Variants in RNF213 observed in about 807,000 individuals in gnomAD.
RNF213 encodes the protein E3 ubiquitin-protein ligase RNF213.
A neutral mutation model predicts 514.4 loss-of-function variants in RNF213; 341 were observed. The observed-to-expected ratio is 0.66, with a 90% CI of 0.61 to 0.73. The LOEUF is 0.73. Among genes scored for constraint, RNF213 ranks in the 30% least tolerant of loss-of-function variants. RNF213 has a pLI of 0.00. For synonymous variants in RNF213, 2,655 were observed against 2,658.2 expected, an observed-to-expected ratio of 1.00 and a Z score of 0.04; for missense variants, 5,767 against 6,615.6, an observed-to-expected ratio of 0.87 and a Z score of 4.45.
At chr17:80,387,386 G>C (rs1277865148) in intron 63 of RNF213, among the ~76,000 whole-genome samples, 1 of 152,190 alleles carries the variant, frequency 6.6e-6, no homozygotes, top group Admixed American at 6.5e-5. Context: ...GATTATAGGC[G>C]TGAGCCACTG....
intron 17 of RNF213, among the ~76,000 whole-genome samples, chr17:80,321,638 C>G (rs1599020397): frequency 6.6e-6 from 1 of 152,314 alleles, no homozygotes; most frequent in East Asian, 1.9e-4. Flanking sequence ...TAGGAGGCTT[C>G]CAGGTTCTCC....
In RNF213 at chr17:80,385,166, G is replaced by A; in HGVS notation, c.14450G>A (p.Ser4817Asn). Residue 4817 changes from serine (S) to asparagine (N), a missense_variant, in exon 60 of 68, where the codon AGC (serine) becomes AAC (asparagine). Around this residue, in one of 13 missense-constraint regions of RNF213, gnomAD observed 1,245 missense variants for 1,339.0 expected, o/e 0.93. Transcript: ENST00000582970. ...ATCAGAGGCTTCCTCAGCAAGCACA[G>A]CTCAGGTGTGGCTCTGCTCTGACAG... The part of the protein sequence containing the change: ...SSIRGFLSKH[S>N]SDGLRQLLHN... 1 of 1,614,154 alleles carries A rather than the reference G, an allele frequency of 6.2e-7. No homozygotes were observed.
At chr17:80,286,473 G>A (rs185553427) in intron 3 of RNF213, among the ~76,000 whole-genome samples, 6 of 152,242 alleles carry the variant, frequency 3.9e-5, no homozygotes, top group African/African-American at 9.6e-5. Flanking sequence ...GTCCAGCTGC[G>A]GCCTCGTCAT....
In RNF213 at chr17:80,389,929, C is replaced by A. The variant is rs780341759; in HGVS notation, c.15285+12C>A. ...TGCGGCTGCACAAAGTAAGTCTGGT[C>A]TCTTCCTCTCTGCTGGACAGAGGGA... On this transcript the variant is annotated intron_variant, in intron 66 of 67. Coordinates refer to ENST00000582970, the MANE Select transcript of RNF213 (RefSeq NM_001256071.3). 4.3e-6 allele frequency: 7 copies of A among 1,613,880 alleles called. No homozygotes were observed. The highest frequency in any genetic ancestry group is 1.3e-5 in the African/African-American group (1 of 74,928).
At chr17:80,390,227 A>G (rs2080409292) in intron 67 of RNF213, 31 bp downstream of exon 67, 2 of 1,606,422 alleles carry the variant, frequency 1.2e-6, no homozygotes, top group Non-Finnish European at 1.7e-6. Flanking sequence ...GGGGCGGGGC[A>G]GACACAATGT....
At chr17:80,349,440 A>G (rs2078425291) in intron 29 of RNF213, among the ~76,000 whole-genome samples, 1 of 152,124 alleles carries the variant, frequency 6.6e-6, no homozygotes, top group South Asian at 2.1e-4. Context: ...TCGTACTATA[A>G]CAGGAAATGG....
chr17:80,293,551 T>C (rs997243341), intron 8 of RNF213, among the ~76,000 whole-genome samples: 10 of 151,716 alleles, frequency 6.6e-5, no homozygotes, highest in South Asian at 2.1e-4. Context: ...TGGCTGGGCG[T>C]GGTGGCTCAC....
At chr17:80,383,540 A>C in intron 58 of RNF213, 137 bp from the exon 59 acceptor site, 1 of 842,898 alleles carries the variant, frequency 1.2e-6, no homozygotes, top group Non-Finnish European at 2.0e-6. Context: ...GATCAAAGGG[A>C]ATACCTGATT....
At chr17:80,265,512 G>A (rs118155465) in intron 2 of RNF213, among the ~76,000 whole-genome samples, 31 of 152,296 alleles carry the variant, frequency 2.0e-4, no homozygotes, top group South Asian at 4.1e-4. Context: ...AACATTTATC[G>A]AAAACCAAGA....
chr17:80,287,915 C>T lies in RNF213; in HGVS notation c.362C>T (p.Thr121Ile). The T allele has an allele frequency of 6.4e-7, 1 of 1,574,060 alleles. No homozygotes were observed. Among genetic ancestry groups the T allele is most frequent in the Non-Finnish European group, 8.6e-7 (1 of 1,159,802 alleles). Residue 121 changes from threonine to isoleucine, a missense_variant, in exon 4 of 68, where the codon ACT becomes ATT. Physicochemically the swap from Thr to Ile is moderately conservative, Grantham distance 89. Coordinates refer to ENST00000582970, the MANE Select transcript of RNF213 (RefSeq NM_001256071.3). ...PLSPASPCHLTLLSNPWPQDT... is the reference protein window; with the variant it reads ...PLSPASPCHLILLSNPWPQDT... ...TCTCCTGCCAGCCCCTGTCACCTGA[C>T]TTTGCTTTCAAACCCGTGGCCTCAG...
At chr17:80,303,680 C>T (rs1027479785) in intron 11 of RNF213, among the ~76,000 whole-genome samples, 6 of 151,250 alleles carry the variant, frequency 4.0e-5, no homozygotes, top group African/African-American at 1.5e-4. Context: ...TCTTGTGCCT[C>T]AGCCTCCCAA....
intron 49 of RNF213, 49 bp downstream of exon 49, chr17:80,373,214 A>AT (rs1568151685): frequency 6.6e-7 from 1 of 1,526,128 alleles, no homozygotes; most frequent in East Asian, 2.4e-5. Flanking sequence ...CCACAGCCCC[A>AT]TACACCCCAA....
At chr17:80,390,231 A>C in intron 67 of RNF213, 35 bp downstream of exon 67, 1 of 1,600,498 alleles carries the variant, frequency 6.2e-7, no homozygotes, top group Non-Finnish European at 8.6e-7. Flanking sequence ...CGGGGCAGAC[A>C]CAATGTTGTG....
chr17:80,276,827 TGGATCACGA>T (rs2044075661), intron 3 of RNF213, among the ~76,000 whole-genome samples: 1 of 151,614 alleles, frequency 6.6e-6, no homozygotes, highest in Non-Finnish European at 1.5e-5. Context: ...CTGAGGTGGG[TGGATCACGA>T]GGTCAGGAGA....
At position 80,339,964 on chromosome 17, in the gene RNF213, C is replaced by T. The variant is rs546687179; in HGVS notation, c.5597C>T (p.Thr1866Ile). The change falls in exon 26 of 68, where the codon ACC (threonine) becomes ATC (isoleucine). Residue 1866 changes from threonine to isoleucine, a missense_variant. Around this residue, in one of 13 missense-constraint regions of RNF213, gnomAD observed 1,377 missense variants for 1,635.2 expected, o/e 0.84. Transcript: ENST00000582970. The stretch of plus-strand genomic sequence containing the variant: ...ACTTACGATGAGGTGCTGCTCTGCA[C>T]CCCGGCAACCACCTTTGAGGAGGTG... ...LPTYDEVLLC[T>I]PATTFEEVAL... The T allele has an allele frequency of 1.2e-4, 184 of 1,537,126 alleles. No individual in the cohort carries two copies. In the East Asian group the frequency reaches 4.1e-3, roughly 34 times the overall value.
intron 3 of RNF213, chr17:80,278,695 G>T (rs2044154718): frequency 1.3e-6 from 2 of 1,515,946 alleles, no homozygotes; most frequent in Non-Finnish European, 1.8e-6. Context: ...TGGGGTCTTT[G>T]CGAGTCTACT....
intron 26 of RNF213, chr17:80,342,204 C>G (rs541494608): frequency 9.2e-5 from 14 of 152,382 alleles, no homozygotes; most frequent in African/African-American, 3.4e-4. Context: ...ATGGGCTATT[C>G]CACCTAGCTC....
chr17:80,314,382 A>G (rs111219169), intron 15 of RNF213, among the ~76,000 whole-genome samples: 8 of 2,484 alleles, frequency 3.2e-3, no homozygotes, highest in African/African-American at 9.2e-3. Flanking sequence ...CGTGGAGGTG[A>G]TGGTGGAGGT....
chr17:80,372,719 C>T lies in RNF213; in HGVS notation c.12736C>T (p.Pro4246Ser), dbSNP rs933094795. Reference protein sequence around the residue: ...LDRAADFLSEPEGGPEMAKEK... With the variant: ...LDRAADFLSESEGGPEMAKEK... ...CAGAGCTGCAGATTTCCTCTCGGAGCCTGAGGGAGGCCCAGGCAAGTCTTC... is the reference window on the plus strand; with the variant it reads ...CAGAGCTGCAGATTTCCTCTCGGAGTCTGAGGGAGGCCCAGGCAAGTCTTC... Residue 4246 changes from proline (P) to serine (S), a missense_variant, in exon 48 of 68, where the codon CCT becomes TCT. By Grantham distance (74) the Pro-to-Ser change is moderately conservative. Transcript: ENST00000582970. The T allele has an allele frequency of 1.9e-6, 3 of 1,613,402 alleles. No individual in the cohort carries two copies. The highest frequency in any genetic ancestry group is 1.3e-5 in the African/African-American group (1 of 74,920).
Sources: allele counts gnomAD v4.1 joint callset (sites outside exome capture counted in the v4.1 genomes callset), GRCh38; gene constraint gnomAD v4.1.1; regional missense constraint gnomAD v4.1.1; transcripts MANE v1.5; gene names NCBI Gene and HGNC (gene_info 2026-07-23, HGNC 2026-07-21).